CBR3: variants seen among roughly 807,000 people sequenced by gnomAD.
The protein encoded by CBR3 is carbonyl reductase [NADPH] 3.
A neutral mutation model predicts 11.6 loss-of-function variants in CBR3; 14 were observed. That is an observed-to-expected ratio of 1.20 (90% CI 0.79 to 1.88). CBR3 has a LOEUF of 1.88. CBR3 is among the 40% of genes most tolerant of loss of function. The pLI is 0.00. For synonymous variants in CBR3, 125 were observed against 145.6 expected (o/e 0.86, Z 1.02); for missense variants, 308 against 357.3 (o/e 0.86, Z 1.11).
intron 2 of CBR3, chr21:36,141,410 A>C (rs1406692439): frequency 1.3e-5 from 2 of 152,094 alleles, no homozygotes; most frequent in East Asian, 3.9e-4. Flanking sequence ...TAAAATGTTG[A>C]GTATCTTATG....
chr21:36,137,304 T>C (rs45598234), intron 1 of CBR3: 59,518 of 153,842 alleles, frequency 0.39, 11,882 homozygotes, highest in South Asian at 0.5. Flanking sequence ...GGCGAAACCC[T>C]GTCTCTGCAA....
chr21:36,136,428 T>G (rs1456980421), intron 1 of CBR3, among the ~76,000 whole-genome samples: 2 of 152,016 alleles, frequency 1.3e-5, no homozygotes, highest in Non-Finnish European at 2.9e-5. Flanking sequence ...TCTCCACCCC[T>G]CCCTTTGGCC....
intron 1 of CBR3, among the ~76,000 whole-genome samples, chr21:36,136,559 C>A (rs1399108109): frequency 6.6e-6 from 1 of 152,040 alleles, no homozygotes; most frequent in African/African-American, 2.4e-5. Flanking sequence ...CCCCCTAATG[C>A]AGCCCTCAGC....
At chr21:36,138,103 TTTTAG>T (rs373138227) in intron 2 of CBR3, among the ~76,000 whole-genome samples, 171 bp downstream of exon 2, 61 of 150,236 alleles carry the variant, frequency 4.1e-4, no homozygotes, top group East Asian at 9.8e-4. Context: ...CACTCCAACA[TTTTAG>T]TTTAGTTTAG....
In CBR3 at chr21:36,135,215, C is replaced by A; in HGVS notation, c.23C>A (p.Ala8Glu). Residue 8 changes from alanine (A) to glutamate (E), a missense_variant, in exon 1 of 3, where the codon GCG becomes GAG. Ala to Glu is a moderately radical substitution (Grantham distance 107, BLOSUM62 -1). Transcript: ENST00000290354. ...GCCATGTCGTCCTGCAGCCGCGTGG[C>A]GCTGGTGACCGGGGCCAACAGGGGC... is the stretch of plus-strand genomic sequence containing the variant. MSSCSRV[A>E]LVTGANRGIG... 6.6e-7 allele frequency: 1 copy of A among 1,518,112 alleles called. No homozygotes were observed. 94.0% of individuals were successfully genotyped at this position (1,518,112 alleles called of 1,614,324 possible). A position where few individuals can be genotyped will look rare whatever the true frequency, so the allele number is the denominator to read the frequency against.
intron 2 of CBR3, among the ~76,000 whole-genome samples, chr21:36,142,234 T>C (rs550205073): frequency 3.8e-4 from 57 of 151,972 alleles, no homozygotes; most frequent in Non-Finnish European, 7.5e-4. Flanking sequence ...AGATTGAGAC[T>C]ATCCTCGCTA....
chr21:36,136,332 G>C (rs1007059537), intron 1 of CBR3, among the ~76,000 whole-genome samples: 11 of 151,034 alleles, frequency 7.3e-5, no homozygotes, highest in Non-Finnish European at 1.0e-4. Context: ...AGTTACTACG[G>C]AGAAATAAAC....
At chr21:36,145,980 AAC>A in intron 2 of CBR3, 94 bp from the exon 3 acceptor site, 6 of 806,902 alleles carry the variant, frequency 7.4e-6, no homozygotes, top group South Asian at 1.9e-5. Flanking sequence ...AAAAAAAAAA[AAC>A]CTGCACCAAG....
In CBR3 at chr21:36,135,197, C is replaced by T. The variant is rs770963323; in HGVS notation, c.5C>T (p.Ser2Leu). Reference protein sequence around the residue: MSSCSRVALVTG... With the variant: MLSCSRVALVTG... ...CCCCGCGCTCCCCGCTCAGCCATGT[C>T]GTCCTGCAGCCGCGTGGCGCTGGTG... Residue 2 changes from serine (S) to leucine (L), a missense_variant, in exon 1 of 3, where the codon TCG becomes TTG. Transcript: ENST00000290354. 6.7e-7 allele frequency: 1 copy of T among 1,481,564 alleles called. No homozygotes were observed. 91.8% of individuals were successfully genotyped at this position (1,481,564 alleles called of 1,614,324 possible). A position where few individuals can be genotyped will look rare whatever the true frequency, so the allele number is the denominator to read the frequency against.
chr21:36,138,739 C>CTTTTTTTTTTT (rs1328237057), intron 2 of CBR3: 1 of 137,784 alleles, frequency 7.3e-6, no homozygotes. Flanking sequence ...CTTTTTTTTT[C>CTTTTTTTTTTT]TTTTCTTTTT....
intron 2 of CBR3, among the ~76,000 whole-genome samples, chr21:36,143,531 T>A (rs151066803): frequency 6.6e-6 from 1 of 152,210 alleles, no homozygotes; most frequent in Non-Finnish European, 1.5e-5. Flanking sequence ...ATGATCAACA[T>A]GAATATTAAT....
chr21:36,136,081 T>G (rs1007047828), intron 1 of CBR3, among the ~76,000 whole-genome samples: 12 of 152,128 alleles, frequency 7.9e-5, no homozygotes, highest in Non-Finnish European at 1.6e-4. Context: ...TGTTATAAAA[T>G]ACGTGCGTGT....
At position 36,142,441 on chromosome 21, in the gene CBR3, A is replaced by AAAAAAAAAAAAAAC. The variant is rs926876949; in HGVS notation, c.398-3628_398-3627insAAAAAACAAAAAAA. 4.1e-4 allele frequency among the ~76,000 whole-genome samples: 61 copies of AAAAAAAAAAAAAAC among 149,732 alleles called. 6 individuals are homozygous for AAAAAAAAAAAAAAC. Among genetic ancestry groups the AAAAAAAAAAAAAAC allele is most frequent in the African/African-American group, 1.1e-3 (46 of 40,856 alleles). On this transcript the variant is annotated intron_variant, in intron 2 of 2. Transcript: ENST00000290354. ...AGCGAGACTCCATCTCAAAAAAAAA[A>AAAAAAAAAAAAAAC]AAAAAAACGCAATCCATGATCCTAC...
intron 2 of CBR3, among the ~76,000 whole-genome samples, chr21:36,142,171 G>T (rs2065714299): frequency 6.6e-6 from 1 of 152,062 alleles, no homozygotes; most frequent in Non-Finnish European, 1.5e-5. Context: ...GGTGACTCAC[G>T]CCTGTAATCC....
intron 2 of CBR3, chr21:36,142,033 C>A (rs1458876830): frequency 5.1e-6 from 2 of 394,324 alleles, no homozygotes; most frequent in Non-Finnish European, 6.9e-6. Context: ...TGAGAACAGA[C>A]CAATTCACTT....
At position 36,138,226 on chromosome 21, in the gene CBR3, C is replaced by G. The variant is rs544904586; in HGVS notation, c.397+294C>G. The G allele has an allele frequency of 2.5e-4, 58 of 233,716 alleles. 1 individual carries two copies. The highest frequency in any genetic ancestry group is 1.2e-3 in the African/African-American group (55 of 44,132). 14.5% of individuals were successfully genotyped at this position (233,716 alleles called of 1,614,324 possible). A position where few individuals can be genotyped will look rare whatever the true frequency, so the allele number is the denominator to read the frequency against. On this transcript the variant is annotated intron_variant, in intron 2 of 2. Coordinates refer to ENST00000290354, the MANE Select transcript of CBR3 (RefSeq NM_001236.4). ...GCAATGGTGTGATCTTGGCTCACTG[C>G]AACCTCCACCTCCCGGGGTCAAGCA... is the stretch of plus-strand genomic sequence containing the variant.
In CBR3 at chr21:36,135,328, G is replaced by T; in HGVS notation, c.136G>T (p.Ala46Ser). The part of the protein sequence containing the change: ...TARDVARGQA[A>S]VQQLQAEGLS... ...GCGGGACGTGGCGCGGGGCCAGGCG[G>T]CCGTGCAGCAGCTGCAGGCGGAGGG... is the stretch of plus-strand genomic sequence containing the variant. Residue 46 changes from alanine to serine, a missense_variant, in exon 1 of 3, where the codon GCC becomes TCC. Physicochemically the swap from Ala to Ser is moderately conservative, Grantham distance 99. Coordinates refer to ENST00000290354, the MANE Select transcript of CBR3 (RefSeq NM_001236.4). 6.2e-7 allele frequency: 1 copy of T among 1,611,782 alleles called. No homozygotes were observed. Among genetic ancestry groups the T allele is most frequent in the Middle Eastern group, 1.7e-4 (1 of 6,026 alleles).
rs374238468 is a variant in CBR3 at position 36,135,339 on chromosome 21, G to T, written c.147G>T (p.Gln49His). 2.2e-5 allele frequency: 36 copies of T among 1,612,282 alleles called. No individual in the cohort carries two copies. Among genetic ancestry groups the T allele is most frequent in the Non-Finnish European group, 2.8e-5 (33 of 1,179,682 alleles). ...DVARGQAAVQ[Q>H]LQAEGLSPRF... ...CGCGGGGCCAGGCGGCCGTGCAGCA[G>T]CTGCAGGCGGAGGGCCTGAGCCCGC... The change falls in exon 1 of 3, where the codon CAG becomes CAT. Residue 49 changes from glutamine to histidine, a missense_variant. Transcript: ENST00000290354.
intron 2 of CBR3, chr21:36,141,573 T>C (rs1034987006): frequency 6.6e-6 from 1 of 152,232 alleles, no homozygotes; most frequent in Non-Finnish European, 1.5e-5. Context: ...CATCTATCTG[T>C]ATTTGACTTG....
Sources: allele counts gnomAD v4.1 joint callset (sites outside exome capture counted in the v4.1 genomes callset), GRCh38; gene constraint gnomAD v4.1.1; transcripts MANE v1.5; gene names NCBI Gene and HGNC (gene_info 2026-07-23, HGNC 2026-07-21).